LAMA2: variants seen among roughly 807,000 people sequenced by gnomAD.
LAMA2 encodes the protein laminin subunit alpha-2.
In LAMA2, 269 loss-of-function variants were observed where a neutral mutation model predicts 364.8. The observed-to-expected ratio is 0.74, with a 90% confidence interval of 0.67 to 0.82. The LOEUF (loss-of-function observed/expected upper bound fraction) is 0.82, where lower values mean the gene tolerates loss of function less well. Ranked by LOEUF, LAMA2 falls within the 40% of genes least tolerant of loss-of-function variation. The pLI, the probability that LAMA2 is intolerant of heterozygous loss-of-function variation, is 0.00. For missense variants in LAMA2, 3,807 were observed against 3,873.2 expected, an observed-to-expected ratio of 0.98 and a Z score of 0.45; for synonymous variants, 1,379 against 1,370.6, an observed-to-expected ratio of 1.01 and a Z score of -0.14.
At chr6:128,977,601 T>G (rs896530172) in intron 1 of LAMA2, among the ~76,000 whole-genome samples, 1 of 152,174 alleles carries the variant, frequency 6.6e-6, no homozygotes, top group Non-Finnish European at 1.5e-5. Context: ...TAGATTGTAC[T>G]TACGATAAAT....
intron 3 of LAMA2, among the ~76,000 whole-genome samples, chr6:129,087,642 A>G (rs181056848): frequency 6.6e-6 from 1 of 152,288 alleles, no homozygotes; most frequent in East Asian, 1.9e-4. Context: ...AAATCTGTGG[A>G]CACTTTAAAG....
intron 1 of LAMA2, among the ~76,000 whole-genome samples, chr6:129,041,074 G>A (rs1787055438): frequency 6.6e-6 from 1 of 152,060 alleles, no homozygotes; most frequent in South Asian, 2.1e-4. Flanking sequence ...TTAAATTCTG[G>A]GTATATGTTT....
At chr6:129,099,125 G>GT (rs370334822) in intron 4 of LAMA2, among the ~76,000 whole-genome samples, 86,507 of 129,696 alleles carry the variant, frequency 0.67, 29,505 homozygotes, top group East Asian at 0.77. Flanking sequence ...TTTTTTTTTT[G>GT]TTTTTTTTTT....
intron 1 of LAMA2, among the ~76,000 whole-genome samples, chr6:128,964,512 C>G (rs77701884): frequency 0.012 from 1,808 of 152,096 alleles, 40 homozygotes; most frequent in African/African-American, 0.039. Flanking sequence ...TCATAATGGA[C>G]AGAATATCTA....
At chr6:128,883,833 CACATATAT>C (rs1775989986) in intron 1 of LAMA2, among the ~76,000 whole-genome samples, 1 of 114,782 alleles carries the variant, frequency 8.7e-6, no homozygotes, top group African/African-American at 3.8e-5. Flanking sequence ...CACACACACA[CACATATAT>C]ATATATATAA....
intron 12 of LAMA2, among the ~76,000 whole-genome samples, chr6:129,227,098 T>C (rs937469046): frequency 2.0e-5 from 3 of 152,244 alleles, no homozygotes; most frequent in Non-Finnish European, 4.4e-5. Flanking sequence ...CAATCACTGA[T>C]ACCCTTTCTT....
intron 22 of LAMA2, among the ~76,000 whole-genome samples, chr6:129,306,307 T>A (rs1054129581): frequency 6.7e-6 from 1 of 148,690 alleles, no homozygotes; most frequent in African/African-American, 2.5e-5. Context: ...TGACAATAAT[T>A]TTTTCCTTTT....
At chr6:129,342,619 G>A (rs1776332469) in intron 30 of LAMA2, 152 bp downstream of exon 30, 1 of 691,212 alleles carries the variant, frequency 1.4e-6, no homozygotes, top group Non-Finnish European at 2.3e-6. Context: ...TGACAAAAGT[G>A]AGTATATAAT....
chr6:129,507,625 C>G lies in LAMA2; in HGVS notation c.8840C>G (p.Thr2947Ser), dbSNP rs762854429. The G allele has an allele frequency of 6.2e-7, 1 of 1,614,118 alleles. No homozygotes were observed. Among genetic ancestry groups the G allele is most frequent in the Non-Finnish European group, 8.5e-7 (1 of 1,179,980 alleles). ...NAQRGTYFDG[T>S]GFAKAVGGFK... Reference sequence around the variant, plus strand: ...CAGAGGGGAACATATTTTGACGGAACCGGTTTTGCCAAAGCAGGTAAGGCT... The same window carrying G: ...CAGAGGGGAACATATTTTGACGGAAGCGGTTTTGCCAAAGCAGGTAAGGCT... Residue 2947 changes from threonine (T) to serine (S), a missense_variant, in exon 62 of 65, where the codon ACC (threonine) becomes AGC (serine). Physicochemically the swap from Thr to Ser is moderately conservative, Grantham distance 58. This residue lies in a region of LAMA2 where 3,333 missense variants were observed against 3,345.7 expected (regional missense o/e 1.00). Transcript: ENST00000421865.
chr6:128,922,206 C>T (rs1336510782), intron 1 of LAMA2, among the ~76,000 whole-genome samples: 5 of 151,394 alleles, frequency 3.3e-5, no homozygotes, highest in African/African-American at 1.2e-4. Context: ...GATTTATAGT[C>T]CTTTGGGTAT....
intron 34 of LAMA2, among the ~76,000 whole-genome samples, chr6:129,380,520 G>A (rs1778621386): frequency 6.6e-6 from 1 of 152,042 alleles, no homozygotes; most frequent in Non-Finnish European, 1.5e-5. Context: ...TCAAATCCAT[G>A]GTGCTATGAA....
chr6:129,008,102 A>C (rs1294084069), intron 1 of LAMA2, among the ~76,000 whole-genome samples: 1 of 152,214 alleles, frequency 6.6e-6, no homozygotes. Context: ...TATTGAAATC[A>C]TGGAGGACAA....
At position 129,408,721 on chromosome 6, in the gene LAMA2, G is replaced by A. The variant is rs543401296; in HGVS notation, c.5865+4762G>A. On this transcript the variant is annotated intron_variant, in intron 40 of 64. Coordinates refer to ENST00000421865, the MANE Select transcript of LAMA2 (RefSeq NM_000426.4). ...GCTGCTGGCAAATTGGGCACTCAGCGGTGGCTATAGTCAGGTCAGTCCATG... is the reference window on the plus strand; with the variant it reads ...GCTGCTGGCAAATTGGGCACTCAGCAGTGGCTATAGTCAGGTCAGTCCATG... Among the ~76,000 whole-genome samples, 13 of 152,190 alleles carry A rather than the reference G, an allele frequency of 8.5e-5. No individual in the cohort carries two copies. The South Asian group carries it at 2.3e-3, about 27-fold the overall frequency.
intron 1 of LAMA2, among the ~76,000 whole-genome samples, chr6:128,996,210 A>G (rs1783931124): frequency 6.6e-6 from 1 of 152,174 alleles, no homozygotes; most frequent in Admixed American, 6.5e-5. Context: ...TGCCAGAGAC[A>G]GGAGAATGAG....
Position 128,946,497 on chromosome 6 carries a change from A to T in LAMA2, c.112+63140A>T, listed in dbSNP as rs77748615. 8.2e-4 allele frequency among the ~76,000 whole-genome samples: 125 copies of T among 152,298 alleles called. 2 individuals carry two copies. The East Asian group carries it at 0.019, about 24-fold the overall frequency. On this transcript the variant is annotated intron_variant, in intron 1 of 64. Coordinates refer to ENST00000421865, the MANE Select transcript of LAMA2 (RefSeq NM_000426.4). ...ATCACTAGCCTGGAAAAATATCAAA[A>T]TTCAAAATTTGAAGTATGATTTATA...
At chr6:129,251,522 A>G (rs1318565921) in intron 13 of LAMA2, among the ~76,000 whole-genome samples, 1 of 152,228 alleles carries the variant, frequency 6.6e-6, no homozygotes, top group Non-Finnish European at 1.5e-5. Flanking sequence ...TGCCAAACCA[A>G]GAAGCATATG....
intron 56 of LAMA2, 121 bp from the exon 57 acceptor site, chr6:129,491,780 C>T: frequency 2.6e-6 from 2 of 779,520 alleles, no homozygotes; most frequent in Admixed American, 4.1e-5. Context: ...CCTAAGCATC[C>T]AATTTTGGCT....
At chr6:129,007,699 G>C (rs1019656030) in intron 1 of LAMA2, among the ~76,000 whole-genome samples, 2 of 152,142 alleles carry the variant, frequency 1.3e-5, no homozygotes, top group South Asian at 4.1e-4. Context: ...AGTATTTTCT[G>C]ATGAAGGAAT....
At chr6:128,929,046 C>G (rs1779276578) in intron 1 of LAMA2, 1 of 1,444,118 alleles carries the variant, frequency 6.9e-7, no homozygotes, top group East Asian at 2.3e-5. Context: ...ATGGTATCCT[C>G]TAGCTGTGGA....
Sources: allele counts gnomAD v4.1 joint callset (sites outside exome capture counted in the v4.1 genomes callset), GRCh38; gene constraint gnomAD v4.1.1; regional missense constraint gnomAD v4.1.1; transcripts MANE v1.5; gene names NCBI Gene and HGNC (gene_info 2026-07-23, HGNC 2026-07-21).